Variants in SEC63 observed in about 807,000 individuals in gnomAD.
SEC63 encodes the protein SEC63 protein translocation regulator.
Under a neutral mutation model 116.2 loss-of-function variants are expected in SEC63, and 56 were observed. The observed-to-expected ratio is 0.48, with a 90% CI of 0.39 to 0.60. The LOEUF (loss-of-function observed/expected upper bound fraction) is 0.60. SEC63 is among the 20% of genes least tolerant of loss of function. SEC63 has a pLI of 0.00. For synonymous variants in SEC63, 273 were observed against 294.6 expected (o/e 0.93, Z 0.75); for missense variants, 668 against 900.0 (o/e 0.74, Z 3.30).
intron 1 of SEC63, among the ~76,000 whole-genome samples, chr6:107,935,188 C>T (rs1326210792): frequency 6.7e-6 from 1 of 149,536 alleles, no homozygotes; most frequent in African/African-American, 2.5e-5. Flanking sequence ...GCCCCCCGCC[C>T]GGCCAGCCGC....
intron 1 of SEC63, chr6:107,954,528 G>C (rs1009279331): frequency 7.6e-5 from 10 of 131,596 alleles, no homozygotes; most frequent in African/African-American, 2.6e-4. Flanking sequence ...AAGTAACACA[G>C]CGTTTACACT....
At chr6:107,944,282 A>AG (rs1284673010) in intron 1 of SEC63, among the ~76,000 whole-genome samples, 1 of 152,198 alleles carries the variant, frequency 6.6e-6, no homozygotes, top group African/African-American at 2.4e-5. Context: ...AGAAGGTTGG[A>AG]GGGGAGGGGA....
chr6:107,953,783 G>A (rs1473090198), intron 1 of SEC63, among the ~76,000 whole-genome samples: 1 of 123,760 alleles, frequency 8.1e-6, no homozygotes, highest in Non-Finnish European at 1.8e-5. Context: ...CGCCCCGTCC[G>A]GGAGGGAGGT....
In SEC63 at chr6:107,926,023, G is replaced by A. The variant is rs985710518; in HGVS notation, c.225-1091C>T. 2.6e-5 allele frequency among the ~76,000 whole-genome samples: 4 copies of A among 152,186 alleles called. No individual in the cohort carries two copies. The South Asian group carries it at 6.2e-4, about 24-fold the overall frequency. On this transcript the variant is annotated intron_variant, in intron 2 of 20. Coordinates refer to ENST00000369002, the MANE Select transcript of SEC63 (RefSeq NM_007214.5). ...AGTAGAGATGGGGTTTCACCATGTT[G>A]GCCAGGCTGGTCTCAAACTCCTGAC...
rs1786071112 is a variant in SEC63 at position 107,869,337 on chromosome 6, T to G, written c.*2367A>C. 1 of 152,218 alleles carries G rather than the reference T, an allele frequency of 6.6e-6. No homozygotes were observed. Among genetic ancestry groups the G allele is most frequent in the African/African-American group, 2.4e-5 (1 of 41,456 alleles). 9.4% of individuals were successfully genotyped at this position (152,218 alleles called of 1,614,324 possible). On this transcript the variant is annotated 3_prime_UTR_variant, in exon 21 of 21. Transcript: ENST00000369002. ...TACACAACTGCTACACTTTGAATTGTGGTAAGTCTCCTCATGAACAGCTGT... is the reference window on the plus strand; with the variant it reads ...TACACAACTGCTACACTTTGAATTGGGGTAAGTCTCCTCATGAACAGCTGT...
At chr6:107,878,042 T>C (rs528608782) in intron 18 of SEC63, among the ~76,000 whole-genome samples, 2 of 152,356 alleles carry the variant, frequency 1.3e-5, no homozygotes, top group South Asian at 4.1e-4. Flanking sequence ...CAAAGTGGAA[T>C]AACACCTCTG....
chr6:107,897,603 T>C, intron 14 of SEC63, 46 bp downstream of exon 14: 1 of 1,281,592 alleles, frequency 7.8e-7, no homozygotes, highest in Non-Finnish European at 1.1e-6. Context: ...TATAAAAGCC[T>C]TGACACACAA....
intron 13 of SEC63, among the ~76,000 whole-genome samples, chr6:107,898,093 G>A (rs886133142): frequency 5.3e-5 from 8 of 151,978 alleles, no homozygotes; most frequent in South Asian, 2.1e-4. Flanking sequence ...ACAAAACCCT[G>A]TCTCTATAAA....
rs79123316 is a variant in SEC63, at chr6:107,941,090, C to T, written c.125-11576G>A. Reference sequence around the variant, plus strand: ...AACTTAACATACAAGGATGTATGTCCCACCAGAACTTTAAACACCACATAC... The same window carrying T: ...AACTTAACATACAAGGATGTATGTCTCACCAGAACTTTAAACACCACATAC... On this transcript the variant is annotated intron_variant, in intron 1 of 20. Coordinates refer to ENST00000369002, the MANE Select transcript of SEC63 (RefSeq NM_007214.5). Among the ~76,000 whole-genome samples the T allele has an allele frequency of 7.8e-3, 1,181 of 152,100 alleles. 19 individuals are homozygous for T. The highest frequency in any genetic ancestry group is 0.025 in the African/African-American group (1,030 of 41,478).
chr6:107,934,381 G>A (rs1045868991), intron 1 of SEC63, among the ~76,000 whole-genome samples: 11 of 145,934 alleles, frequency 7.5e-5, no homozygotes, highest in East Asian at 2.1e-4. Context: ...GCCGCCCATC[G>A]CCTGAGATGT....
chr6:107,905,068 T>G (rs1281218199), intron 10 of SEC63, among the ~76,000 whole-genome samples: 1 of 152,120 alleles, frequency 6.6e-6, no homozygotes, highest in Non-Finnish European at 1.5e-5. Flanking sequence ...ATATGTCAGC[T>G]AAATACAGGG....
chr6:107,902,473 A>G (rs1034227927), intron 12 of SEC63, among the ~76,000 whole-genome samples: 2 of 152,138 alleles, frequency 1.3e-5, no homozygotes, highest in African/African-American at 4.8e-5. Context: ...TCTTTATTTG[A>G]TTTATTAAAT....
At chr6:107,917,125 A>C (rs1377576135) in intron 4 of SEC63, among the ~76,000 whole-genome samples, 1 of 152,246 alleles carries the variant, frequency 6.6e-6, no homozygotes, top group Non-Finnish European at 1.5e-5. Flanking sequence ...CTTAAGCCAC[A>C]AACAACAGCA....
intron 16 of SEC63, 83 bp downstream of exon 16, chr6:107,893,399 T>A: frequency 7.3e-7 from 1 of 1,369,778 alleles, no homozygotes; most frequent in Non-Finnish European, 1.0e-6. Context: ...TGTAAAACTT[T>A]TGAAGCTGTA....
chr6:107,887,042 G>C (rs1421942940), intron 16 of SEC63, among the ~76,000 whole-genome samples: 1 of 152,064 alleles, frequency 6.6e-6, no homozygotes, highest in Non-Finnish European at 1.5e-5. Context: ...TCCACCTTGA[G>C]TTAATTTTTG....
At chr6:107,893,346 G>C in intron 16 of SEC63, 136 bp downstream of exon 16, 2 of 754,628 alleles carry the variant, frequency 2.7e-6, no homozygotes, top group Non-Finnish European at 4.4e-6. Context: ...TGACTGAGAA[G>C]AGCACAAGGG....
chr6:107,898,312 C>T (rs1018538828), intron 13 of SEC63, among the ~76,000 whole-genome samples: 2 of 151,116 alleles, frequency 1.3e-5, no homozygotes, highest in Admixed American at 6.6e-5. Context: ...CCCAAACCCA[C>T]ACAACACCTG....
rs774303727 is a variant in SEC63, at chr6:107,872,893, G to A, written c.2054C>T (p.Ala685Val). ...DTEEVELKFP[A>V]PGKPGNYQYT... is the part of the protein sequence containing the mutation. Reference sequence around the variant, plus strand: ...CTGATAATTTCCAGGCTTGCCTGGTGCAGGAAACTTCAGCTCTACCTAGAA... The same window carrying A: ...CTGATAATTTCCAGGCTTGCCTGGTACAGGAAACTTCAGCTCTACCTAGAA... Residue 685 changes from alanine to valine, a missense_variant, in exon 20 of 21, where the codon GCA (alanine) becomes GTA (valine). Coordinates refer to ENST00000369002, the MANE Select transcript of SEC63 (RefSeq NM_007214.5). 1.9e-6 allele frequency: 3 copies of A among 1,548,624 alleles called. No homozygotes were observed. The highest frequency in any genetic ancestry group is 2.6e-6 in the Non-Finnish European group (3 of 1,143,616).
At chr6:107,900,191 G>A (rs2114438683) in intron 13 of SEC63, among the ~76,000 whole-genome samples, 1 of 151,836 alleles carries the variant, frequency 6.6e-6, no homozygotes, top group South Asian at 2.1e-4. Context: ...ATAAAGACAG[G>A]GTCTCACTAT....
Sources: gnomAD v4.1 joint callset for allele counts (sites outside exome capture counted in the v4.1 genomes callset) on GRCh38, gnomAD v4.1.1 for gene constraint, MANE v1.5 for transcripts, NCBI Gene and HGNC (gene_info 2026-07-23, HGNC 2026-07-21) for gene names.